The following AGFG2 variants were observed in gnomAD, a reference collection of about 807,000 sequenced individuals.
The protein encoded by AGFG2 is ArfGAP with FG repeats 2.
Under a neutral mutation model 48.0 loss-of-function variants are expected in AGFG2, and 31 were observed. That is an observed-to-expected ratio of 0.65 (90% confidence interval 0.49 to 0.87). The LOEUF (loss-of-function observed/expected upper bound fraction) is 0.87. Among genes scored for constraint, AGFG2 ranks in the 40% least tolerant of loss-of-function variants. The probability of loss-of-function intolerance (pLI) is 0.00; values close to 1 mark genes in which losing one functional copy is unlikely to be tolerated. For synonymous variants in AGFG2, 229 were observed against 260.8 expected, an observed-to-expected ratio of 0.88 and a Z score of 1.18; for missense variants, 599 against 632.6, an observed-to-expected ratio of 0.95 and a Z score of 0.57.
In AGFG2 at chr7:100,565,184, A is replaced by C; in HGVS notation, c.*193A>C. On this transcript the variant is annotated 3_prime_UTR_variant, in exon 12 of 12. Coordinates refer to ENST00000300176, the MANE Select transcript of AGFG2 (RefSeq NM_006076.5). Reference sequence around the variant, plus strand: ...AAGCCTCTCTCCCCTCCCTCGTCCCACCCCCACCCAGGCAGGAAGCCCAGG... The same window carrying C: ...AAGCCTCTCTCCCCTCCCTCGTCCCCCCCCCACCCAGGCAGGAAGCCCAGG... 1 of 642,272 alleles carries C rather than the reference A, an allele frequency of 1.6e-6. No individual in the cohort carries two copies. The highest frequency in any genetic ancestry group is 2.7e-6 in the Non-Finnish European group (1 of 368,166). 39.8% of individuals were successfully genotyped at this position (642,272 alleles called of 1,614,324 possible).
intron 6 of AGFG2, among the ~76,000 whole-genome samples, chr7:100,561,693 C>A (rs1209015340): frequency 6.6e-6 from 1 of 152,236 alleles, no homozygotes; most frequent in Non-Finnish European, 1.5e-5. Flanking sequence ...AGGAGAACCC[C>A]GCAGCGGGGC....
chr7:100,561,012 G>A (rs1223163070), intron 6 of AGFG2, among the ~76,000 whole-genome samples: 27 of 149,170 alleles, frequency 1.8e-4, no homozygotes, highest in Admixed American at 5.4e-4. Flanking sequence ...GTAGAGACGG[G>A]GTTTCACCGT....
At chr7:100,556,591 C>T (rs1800763737) in intron 6 of AGFG2, 1 of 1,289,314 alleles carries the variant, frequency 7.8e-7, no homozygotes, top group South Asian at 1.2e-5. Context: ...CCCTCACTGC[C>T]AGCCAGTCGG....
chr7:100,542,172 C>T (rs1800432490), intron 1 of AGFG2, among the ~76,000 whole-genome samples: 2 of 152,234 alleles, frequency 1.3e-5, no homozygotes, highest in South Asian at 4.1e-4. Flanking sequence ...CGCGCTACCA[C>T]ATCTGGCTAA....
Position 100,563,892 on chromosome 7 carries a change from T to C in AGFG2, c.1230T>C (p.Thr410=), listed in dbSNP as rs2131126655. 1.2e-6 allele frequency: 2 copies of C among 1,610,416 alleles called. No individual in the cohort carries two copies. Among genetic ancestry groups the C allele is most frequent in the East Asian group, 2.2e-5 (1 of 44,892 alleles). Residue 410 remains threonine (T), a synonymous_variant, in exon 10 of 12, where the codon ACT becomes ACC. Transcript: ENST00000300176. The stretch of plus-strand genomic sequence containing the variant: ...GCTTCCCCCAGGCAGTGCCACCCAC[T>C]GGGGCCTTTGCCAGCTCCTTCCCAG... ...GPGFPQAVPP[T]GAFASSFPAP...
At chr7:100,543,825 T>G (rs1800466432) in intron 1 of AGFG2, among the ~76,000 whole-genome samples, 1 of 152,218 alleles carries the variant, frequency 6.6e-6, no homozygotes, top group Non-Finnish European at 1.5e-5. Context: ...TTTACATACA[T>G]ACTGCCACAA....
Position 100,554,134 on chromosome 7 carries a change from C to T in AGFG2, c.627C>T (p.Ser209=). 1 of 1,614,146 alleles carries T rather than the reference C, an allele frequency of 6.2e-7. No homozygotes were observed. The highest frequency in any genetic ancestry group is 8.5e-7 in the Non-Finnish European group (1 of 1,180,016). Reference sequence around the variant, plus strand: ...ACGCTCGGACATCCCAGGCCCGGAGCACTCAGCCACCTCCCCACTCCTCTG... The same window carrying T: ...ACGCTCGGACATCCCAGGCCCGGAGTACTCAGCCACCTCCCCACTCCTCTG... ...QSHARTSQAR[S]TQPPPHSSVK... is the part of the protein sequence containing the mutation. Residue 209 remains serine, a synonymous_variant, in exon 5 of 12, where the codon AGC becomes AGT. Coordinates refer to ENST00000300176, the MANE Select transcript of AGFG2 (RefSeq NM_006076.5).
intron 5 of AGFG2, among the ~76,000 whole-genome samples, chr7:100,555,291 T>TG (rs1800736701): frequency 7.3e-6 from 1 of 136,618 alleles, no homozygotes; most frequent in Non-Finnish European, 1.6e-5. Context: ...TTTTTTTTTT[T>TG]GAGTCAGAGT....
intron 1 of AGFG2, among the ~76,000 whole-genome samples, chr7:100,540,936 C>T (rs576281830): frequency 8.1e-5 from 12 of 148,346 alleles, no homozygotes; most frequent in African/African-American, 2.5e-4. Context: ...CACTTGAACC[C>T]GGGAGGTGGA....
intron 6 of AGFG2, among the ~76,000 whole-genome samples, chr7:100,556,985 GT>G (rs1202118896): frequency 6.6e-6 from 1 of 152,136 alleles, no homozygotes; most frequent in East Asian, 1.9e-4. Context: ...ATCACCTGAG[GT>G]CAGGAGTTTG....
At chr7:100,553,897 T>G (rs749583563) in intron 4 of AGFG2, among the ~76,000 whole-genome samples, 196 bp from the exon 5 acceptor site, 1 of 152,118 alleles carries the variant, frequency 6.6e-6, no homozygotes, top group African/African-American at 2.4e-5. Flanking sequence ...TTGGAGCAGG[T>G]GTACTGAGAA....
intron 3 of AGFG2, among the ~76,000 whole-genome samples, chr7:100,551,078 T>A (rs1387929836): frequency 1.2e-4 from 13 of 107,822 alleles, no homozygotes; most frequent in South Asian, 1.0e-3. Flanking sequence ...TTCTTTTTTT[T>A]TTTTTTTTTG....
chr7:100,541,741 G>C (rs1376154388), intron 1 of AGFG2, among the ~76,000 whole-genome samples: 1 of 150,560 alleles, frequency 6.6e-6, no homozygotes, highest in Non-Finnish European at 1.5e-5. Flanking sequence ...CTCCAGTCTG[G>C]GTCGCAGAGC....
At position 100,539,316 on chromosome 7, in the gene AGFG2, T is replaced by C; in HGVS notation, c.-31T>C. 7.8e-7 allele frequency: 1 copy of C among 1,275,734 alleles called. No individual in the cohort carries two copies. The highest frequency in any genetic ancestry group is 9.9e-7 in the Non-Finnish European group (1 of 1,007,880). The allele number at this position is 1,275,734 out of a possible 1,614,324, so 79.0% of individuals were successfully genotyped here. On this transcript the variant is annotated 5_prime_UTR_variant, in exon 1 of 12. Transcript: ENST00000300176. The stretch of plus-strand genomic sequence containing the variant: ...AAGGCGGCAGTGGTTGAAGGGGTGA[T>C]TGCTGACTAGCGGGGAGGGAGTGGG...
intron 3 of AGFG2, 90 bp downstream of exon 3, chr7:100,550,601 C>A: frequency 3.1e-6 from 3 of 970,716 alleles, no homozygotes; most frequent in South Asian, 2.8e-5. Flanking sequence ...TTGGCCTTCT[C>A]ACAAAAGACT....
rs760794616 is a variant in AGFG2 at position 100,554,129 on chromosome 7, C to T, written c.622C>T (p.Arg208Trp). 18 of 1,613,978 alleles carry T rather than the reference C, an allele frequency of 1.1e-5. No individual in the cohort carries two copies. Among genetic ancestry groups the T allele is most frequent in the East Asian group, 2.2e-5 (1 of 44,898 alleles). ...SQSHARTSQA[R>W]STQPPPHSSV... ...GTCTCACGCTCGGACATCCCAGGCC[C>T]GGAGCACTCAGCCACCTCCCCACTC... The change falls in exon 5 of 12, where the codon CGG (arginine) becomes TGG (tryptophan). Residue 208 changes from arginine (R) to tryptophan (W), a missense_variant. Transcript: ENST00000300176.
At position 100,550,530 on chromosome 7, in the gene AGFG2, G is replaced by T; in HGVS notation, c.431+19G>T. 6.4e-7 allele frequency: 1 copy of T among 1,570,450 alleles called. No individual in the cohort carries two copies. The highest frequency in any genetic ancestry group is 8.8e-7 in the Non-Finnish European group (1 of 1,141,774). ...AGAGATGGTAAGGAGTAGGAAAGAGGTTGCTATGGAAACGTGTTCAAGACA... is the reference window on the plus strand; with the variant it reads ...AGAGATGGTAAGGAGTAGGAAAGAGTTTGCTATGGAAACGTGTTCAAGACA... On this transcript the variant is annotated intron_variant, in intron 3 of 11. Transcript: ENST00000300176.
At chr7:100,556,541 CT>C in intron 6 of AGFG2, 1 of 1,276,936 alleles carries the variant, frequency 7.8e-7, no homozygotes, top group South Asian at 1.2e-5. Context: ...GACATACACT[CT>C]TTCTTTCTCC....
chr7:100,550,150 T>A (rs568438768), intron 2 of AGFG2, among the ~76,000 whole-genome samples: 5 of 151,952 alleles, frequency 3.3e-5, no homozygotes, highest in African/African-American at 1.2e-4. Context: ...CTATTAAAAG[T>A]ACAAAAATTA....
Sources: allele counts gnomAD v4.1 joint callset (sites outside exome capture counted in the v4.1 genomes callset), GRCh38; gene constraint gnomAD v4.1.1; transcripts MANE v1.5; gene names NCBI Gene and HGNC (gene_info 2026-07-23, HGNC 2026-07-21).